Variants in TBC1D31 observed in about 807,000 individuals in gnomAD.
TBC1D31 encodes WD repeat domain 67.
In TBC1D31, 99 loss-of-function variants were observed where a neutral mutation model predicts 132.9. That is an observed-to-expected ratio of 0.74 (90% CI 0.63 to 0.88). TBC1D31 has a LOEUF of 0.88. TBC1D31 is among the 40% of genes least tolerant of loss of function. The probability of loss-of-function intolerance (pLI) is 0.00; values close to 1 mark genes in which losing one functional copy is unlikely to be tolerated. For missense variants in TBC1D31, 1,134 were observed against 1,256.6 expected (o/e 0.90, Z 1.48); for synonymous variants, 385 against 419.4 (o/e 0.92, Z 1.00).
intron 19 of TBC1D31, among the ~76,000 whole-genome samples, chr8:123,142,900 T>C (rs1389208880): frequency 6.6e-6 from 1 of 152,178 alleles, no homozygotes; most frequent in East Asian, 1.9e-4. Context: ...TAAAAGATGC[T>C]GAATAGGTAG....
At chr8:123,130,053 A>C in intron 15 of TBC1D31, 145 bp from the exon 16 acceptor site, 2 of 753,190 alleles carry the variant, frequency 2.7e-6, no homozygotes, top group Non-Finnish European at 4.0e-6. Context: ...CATCTTTGGT[A>C]ACGGTGGAGC....
the TBC1D31 span, among the ~76,000 whole-genome samples, chr8:123,163,462 C>A: frequency 6.7e-6 from 1 of 149,386 alleles, no homozygotes; most frequent in Non-Finnish European, 1.5e-5. Flanking sequence ...CCTCCCCAGC[C>A]TTAGTGATCC....
chr8:123,085,790 A>G (rs1477751663), intron 4 of TBC1D31, among the ~76,000 whole-genome samples: 1 of 152,178 alleles, frequency 6.6e-6, no homozygotes, highest in Non-Finnish European at 1.5e-5. Flanking sequence ...TTAGAATTCC[A>G]TTGTGTAAAT....
chr8:123,126,354 T>G (rs1820032576), intron 12 of TBC1D31, among the ~76,000 whole-genome samples, 154 bp from the exon 13 acceptor site: 1 of 152,236 alleles, frequency 6.6e-6, no homozygotes, highest in East Asian at 1.9e-4. Flanking sequence ...TTCCTGAAAG[T>G]CTGTAAAGAA....
At chr8:123,119,410 A>G (rs1024608995) in intron 10 of TBC1D31, among the ~76,000 whole-genome samples, 16 of 152,210 alleles carry the variant, frequency 1.1e-4, no homozygotes, top group Admixed American at 1.0e-3. Context: ...GATAGAGATC[A>G]TGTTAAAGAA....
chr8:123,097,743 C>T (rs989352286), intron 6 of TBC1D31: 1 of 201,672 alleles, frequency 5.0e-6, no homozygotes, highest in African/African-American at 2.3e-5. Flanking sequence ...TTGGCATAGG[C>T]AGGAAAGATA....
chr8:123,153,191 T>C (rs1035700008), downstream of TBC1D31, among the ~76,000 whole-genome samples: 1 of 152,120 alleles, frequency 6.6e-6, no homozygotes, highest in African/African-American at 2.4e-5. Flanking sequence ...GGATATAGAA[T>C]ATGTAGAGTG....
chr8:123,163,364 C>CTTTTT, the TBC1D31 span, among the ~76,000 whole-genome samples: 218 of 110,044 alleles, frequency 2.0e-3, 12 homozygotes, highest in African/African-American at 5.3e-3. Flanking sequence ...TCACTTTAAC[C>CTTTTT]TTTTTTTTTT....
At chr8:123,098,077 A>G (rs569764013) in intron 6 of TBC1D31, among the ~76,000 whole-genome samples, 2 of 152,148 alleles carry the variant, frequency 1.3e-5, no homozygotes, top group African/African-American at 4.8e-5. Flanking sequence ...TTACATATAT[A>G]TGTATACATA....
At position 123,101,019 on chromosome 8, in the gene TBC1D31, G is replaced by A; in HGVS notation, c.1032+12G>A. 6.3e-7 allele frequency: 1 copy of A among 1,575,734 alleles called. No individual in the cohort carries two copies. The highest frequency in any genetic ancestry group is 8.7e-7 in the Non-Finnish European group (1 of 1,145,700). ...AAGAAATAAATAAGGTATGTATGAT[G>A]AAGTAATCAACATCAGCTTTTTATA... On this transcript the variant is annotated intron_variant, in intron 7 of 21. Transcript: ENST00000287380.
chr8:123,162,500 A>G, the TBC1D31 span, among the ~76,000 whole-genome samples: 1 of 152,156 alleles, frequency 6.6e-6, no homozygotes, highest in Admixed American at 6.5e-5. Context: ...AGGTGGTTAC[A>G]GAGAGCTAAA....
At position 123,105,347 on chromosome 8, in the gene TBC1D31, T is replaced by C; in HGVS notation, c.1092T>C (p.Ser364=). The change falls in exon 8 of 22, where the codon AGT becomes AGC. Residue 364 remains serine (S), a synonymous_variant. Transcript: ENST00000287380. ...TGCCCAAGAATAAACTGAGTTCCAG[T>C]GATCTTAAGATGAAAGTAACATCAG... ...EDLPKNKLSS[S]DLKMKVTSGR... 1 of 1,609,094 alleles carries C rather than the reference T, an allele frequency of 6.2e-7. No homozygotes were observed. The highest frequency in any genetic ancestry group is 8.5e-7 in the Non-Finnish European group (1 of 1,177,278).
At chr8:123,134,041 C>A in intron 16 of TBC1D31, 73 bp from the exon 17 acceptor site, 1 of 1,204,096 alleles carries the variant, frequency 8.3e-7, no homozygotes, top group Non-Finnish European at 1.2e-6. Context: ...GTTCAGATTA[C>A]AGGATTACTA....
chr8:123,074,939 T>C (rs1224014208), intron 1 of TBC1D31: 4 of 152,244 alleles, frequency 2.6e-5, no homozygotes, highest in Non-Finnish European at 5.9e-5. Context: ...TCTGTGAGAA[T>C]CTGAAAGGAA....
chr8:123,090,757 C>G (rs1816236663), intron 4 of TBC1D31, among the ~76,000 whole-genome samples: 1 of 151,982 alleles, frequency 6.6e-6, no homozygotes, highest in South Asian at 2.1e-4. Flanking sequence ...ACAAGACCAG[C>G]CTGGCCAACA....
chr8:123,104,754 CTGT>C (rs1388072378), intron 7 of TBC1D31, among the ~76,000 whole-genome samples: 1 of 152,092 alleles, frequency 6.6e-6, no homozygotes, highest in Non-Finnish European at 1.5e-5. Context: ...ACTGCTTAAG[CTGT>C]TGATACAATA....
At chr8:123,096,259 C>T (rs1816826010) in intron 5 of TBC1D31, among the ~76,000 whole-genome samples, 1 of 152,152 alleles carries the variant, frequency 6.6e-6, no homozygotes, top group African/African-American at 2.4e-5. Context: ...CTACGCCTCC[C>T]TCGCTTCATC....
At chr8:123,157,521 TC>T in the TBC1D31 span, among the ~76,000 whole-genome samples, 2 of 152,144 alleles carry the variant, frequency 1.3e-5, no homozygotes, top group Admixed American at 6.5e-5. Flanking sequence ...GGGGGATTTT[TC>T]CTCCTATTGT....
rs186509486 is a variant in TBC1D31 at position 123,109,491 on chromosome 8, C to G, written c.1307C>G (p.Ser436Cys). The G allele has an allele frequency of 6.2e-7, 1 of 1,613,232 alleles. No individual in the cohort carries two copies. The highest frequency in any genetic ancestry group is 8.5e-7 in the Non-Finnish European group (1 of 1,179,762). Residue 436 changes from serine (S) to cysteine (C), a missense_variant, in exon 10 of 22, where the codon TCT becomes TGT. Coordinates refer to ENST00000287380, the MANE Select transcript of TBC1D31 (RefSeq NM_145647.4). ...PTKYRMFIWR[S>C]LLQLPENHTA... Reference sequence around the variant, plus strand: ...TATTTCAGAATGTTCATTTGGCGCTCTCTGCTACAACTGCCTGAAAATCAT... The same window carrying G: ...TATTTCAGAATGTTCATTTGGCGCTGTCTGCTACAACTGCCTGAAAATCAT...
Sources: allele counts gnomAD v4.1 joint callset (sites outside exome capture counted in the v4.1 genomes callset), GRCh38; gene constraint gnomAD v4.1.1; transcripts MANE v1.5; gene names NCBI Gene and HGNC (gene_info 2026-07-23, HGNC 2026-07-21).